PEX7: variants seen among roughly 807,000 people sequenced by gnomAD.
PEX7 encodes peroxisomal biogenesis factor 7.
A neutral mutation model predicts 47.5 loss-of-function variants in PEX7; 34 were observed. The observed-to-expected ratio is 0.72, with a 90% CI of 0.54 to 0.95. The LOEUF (loss-of-function observed/expected upper bound fraction) is 0.95. PEX7 is among the 40% of genes least tolerant of loss of function. The pLI is 0.00. For missense variants in PEX7, 394 were observed against 400.3 expected (o/e 0.98, Z 0.13); for synonymous variants, 141 against 148.8 (o/e 0.95, Z 0.38).
chr6:136,870,211 A>T (rs561080955), intron 7 of PEX7, among the ~76,000 whole-genome samples: 27 of 152,318 alleles, frequency 1.8e-4, no homozygotes, highest in African/African-American at 6.5e-4. Context: ...CAATGTAGAC[A>T]TTCAATACTT....
intron 5 of PEX7, among the ~76,000 whole-genome samples, chr6:136,854,290 G>A (rs760633445): frequency 2.6e-5 from 4 of 152,174 alleles, no homozygotes; most frequent in South Asian, 2.1e-4. Context: ...TCCGCCTCCC[G>A]GGTTCAAGCA....
At chr6:136,911,295 C>T (rs917300301) in intron 9 of PEX7, among the ~76,000 whole-genome samples, 4 of 152,178 alleles carry the variant, frequency 2.6e-5, no homozygotes, top group African/African-American at 7.2e-5. Flanking sequence ...CTGTGAGCTT[C>T]ACCCGTGGTA....
At chr6:136,879,396 A>G (rs917084295) in intron 8 of PEX7, among the ~76,000 whole-genome samples, 3 of 152,176 alleles carry the variant, frequency 2.0e-5, no homozygotes, top group Non-Finnish European at 4.4e-5. Flanking sequence ...AGCTGAATAT[A>G]AACTCCTTGA....
At chr6:136,895,032 A>G (rs527828259) in intron 8 of PEX7, among the ~76,000 whole-genome samples, 2 of 152,332 alleles carry the variant, frequency 1.3e-5, no homozygotes, top group East Asian at 3.9e-4. Flanking sequence ...TGAATCCAGA[A>G]GAAGGTTGCA....
Position 136,913,444 on chromosome 6 carries a change from T to C in PEX7, c.904-14T>C. Reference sequence around the variant, plus strand: ...TCTAAATACGTTTCTTCTTACTTCATTTTTGTTTTCTAGGTGGCTGACTGT... The same window carrying C: ...TCTAAATACGTTTCTTCTTACTTCACTTTTGTTTTCTAGGTGGCTGACTGT... On this transcript the variant is annotated splice_polypyrimidine_tract_variant and intron_variant, in intron 9 of 9. Coordinates refer to ENST00000318471, the MANE Select transcript of PEX7 (RefSeq NM_000288.4). 1 of 1,598,592 alleles carries C rather than the reference T, an allele frequency of 6.3e-7. No homozygotes were observed.
chr6:136,909,411 G>A (rs902969395), intron 9 of PEX7, among the ~76,000 whole-genome samples: 4 of 152,128 alleles, frequency 2.6e-5, no homozygotes, highest in African/African-American at 9.7e-5. Context: ...TTTATTATGT[G>A]AGGGGCTCTC....
chr6:136,898,366 T>C, intron 9 of PEX7, 125 bp downstream of exon 9: 2 of 714,044 alleles, frequency 2.8e-6, no homozygotes, highest in South Asian at 2.9e-5. Context: ...CGTTTGAGCA[T>C]TAAACTACTA....
At chr6:136,905,934 T>A (rs1775838359) in intron 9 of PEX7, among the ~76,000 whole-genome samples, 1 of 152,214 alleles carries the variant, frequency 6.6e-6, no homozygotes, top group Non-Finnish European at 1.5e-5. Context: ...TGGTATTGAG[T>A]TAATGAGTTA....
intron 5 of PEX7, among the ~76,000 whole-genome samples, chr6:136,865,224 G>A (rs572173284): frequency 6.6e-6 from 1 of 152,292 alleles, no homozygotes; most frequent in South Asian, 2.1e-4. Context: ...GCTGAGGTGG[G>A]AAGATTGCCT....
chr6:136,897,993 C>T (rs1775681888), intron 8 of PEX7, 149 bp from the exon 9 acceptor site: 5 of 566,616 alleles, frequency 8.8e-6, no homozygotes, highest in Admixed American at 3.2e-5. Context: ...GGATTTTTTA[C>T]GTAGGGCTTA....
At chr6:136,896,469 G>A (rs1775653670) in intron 8 of PEX7, among the ~76,000 whole-genome samples, 2 of 152,120 alleles carry the variant, frequency 1.3e-5, no homozygotes, top group Admixed American at 6.5e-5. Flanking sequence ...TAAACATTGG[G>A]TTTCTTGTCA....
chr6:136,880,284 T>C (rs1001841165), intron 8 of PEX7, among the ~76,000 whole-genome samples: 12 of 152,216 alleles, frequency 7.9e-5, no homozygotes, highest in African/African-American at 2.2e-4. Context: ...TTCCTTCCTT[T>C]TAATTTTCTT....
chr6:136,855,423 TC>T (rs1582750808), intron 5 of PEX7, among the ~76,000 whole-genome samples: 1 of 151,856 alleles, frequency 6.6e-6, no homozygotes, highest in African/African-American at 2.4e-5. Context: ...CACTGCAACT[TC>T]CGCCTCCCAC....
intron 8 of PEX7, among the ~76,000 whole-genome samples, chr6:136,873,372 T>A (rs1326939699): frequency 6.6e-6 from 1 of 152,180 alleles, no homozygotes; most frequent in East Asian, 1.9e-4. Context: ...ACTAGAGAAT[T>A]AATGTCTGGT....
intron 4 of PEX7, 67 bp downstream of exon 4, chr6:136,845,759 C>G: frequency 1.0e-6 from 1 of 1,004,514 alleles, no homozygotes; most frequent in Non-Finnish European, 1.6e-6. Context: ...AAATTTTCTT[C>G]TCTTTTTCCA....
intron 3 of PEX7, among the ~76,000 whole-genome samples, chr6:136,832,643 T>C (rs1167368920): frequency 6.6e-6 from 1 of 152,246 alleles, no homozygotes; most frequent in Non-Finnish European, 1.5e-5. Flanking sequence ...TGAATGCATG[T>C]GACTATACAC....
intron 5 of PEX7, among the ~76,000 whole-genome samples, chr6:136,860,814 A>T (rs1251204772): frequency 2.0e-5 from 3 of 152,196 alleles, no homozygotes; most frequent in African/African-American, 4.8e-5. Flanking sequence ...CACAATGAAC[A>T]CATCCTTGTA....
At chr6:136,839,014 T>C (rs1774445152) in intron 3 of PEX7, among the ~76,000 whole-genome samples, 1 of 152,070 alleles carries the variant, frequency 6.6e-6, no homozygotes, top group Admixed American at 6.6e-5. Flanking sequence ...AAACCCTGTC[T>C]CTACAAAAAA....
In PEX7 at chr6:136,834,045, C is replaced by T. The variant is rs76820975; in HGVS notation, c.339+7576C>T. Among the ~76,000 whole-genome samples the T allele has an allele frequency of 3.8e-3, 585 of 152,282 alleles. 15 individuals carry two copies. In the South Asian group the frequency reaches 0.057, roughly 15 times the overall value. On this transcript the variant is annotated intron_variant, in intron 3 of 9. Transcript: ENST00000318471. ...CAAAAAAAACAACCATTCCGTACAA[C>T]ATGATAGATATTGAAAAGAGGTATC...
Sources: gnomAD v4.1 joint callset for allele counts (sites outside exome capture counted in the v4.1 genomes callset) on GRCh38, gnomAD v4.1.1 for gene constraint, MANE v1.5 for transcripts, NCBI Gene and HGNC (gene_info 2026-07-23, HGNC 2026-07-21) for gene names.